Variants in SEL1L3 observed in about 807,000 individuals in gnomAD.
SEL1L3 encodes protein sel-1 homolog 3.
SEL1L3 carries 76 observed loss-of-function variants against 142.8 expected under a neutral mutation model. That is an observed-to-expected ratio of 0.53 (90% CI 0.44 to 0.64). The LOEUF (loss-of-function observed/expected upper bound fraction) is 0.64. Ranked by LOEUF, SEL1L3 falls within the 30% of genes least tolerant of loss-of-function variation. The probability of loss-of-function intolerance (pLI) is 0.00; values close to 1 mark genes in which losing one functional copy is unlikely to be tolerated. For missense variants in SEL1L3, 1,262 were observed against 1,381.7 expected (o/e 0.91, Z 1.37); for synonymous variants, 504 against 519.6 (o/e 0.97, Z 0.41).
intron 6 of SEL1L3, among the ~76,000 whole-genome samples, chr4:25,824,338 G>A (rs1714958793): frequency 6.6e-6 from 1 of 152,132 alleles, no homozygotes; most frequent in African/African-American, 2.4e-5. Flanking sequence ...AAAACCGACT[G>A]ACTGATGCTT....
At chr4:25,727,313 A>G in the SEL1L3 span, among the ~76,000 whole-genome samples, 2 of 152,024 alleles carry the variant, frequency 1.3e-5, no homozygotes, top group Non-Finnish European at 2.9e-5. Flanking sequence ...TGGCCTCCCG[A>G]AGTGTTGGGA....
Position 25,802,288 on chromosome 4 carries a change from C to T in SEL1L3, c.1951G>A (p.Asp651Asn). 1 of 1,611,738 alleles carries T rather than the reference C, an allele frequency of 6.2e-7. No individual in the cohort carries two copies. The highest frequency in any genetic ancestry group is 1.1e-5 in the South Asian group (1 of 90,888). The stretch of plus-strand genomic sequence containing the variant: ...ACCTTTTTTCTCTCTCATACCTGAT[C>T]TCCTTGCAGTGTGTGCTGGTCAAGG... ...TPLDQHTLQG[D>N]QAYVETIRLK... The change falls in exon 11 of 24, where the codon GAT becomes AAT. Residue 651 changes from aspartate (D) to asparagine (N), a missense_variant. Physicochemically the swap from Asp to Asn is conservative, Grantham distance 23. Around this residue, in one of 3 missense-constraint regions of SEL1L3, gnomAD observed 435 missense variants for 559.2 expected, o/e 0.78. Coordinates refer to ENST00000399878, the MANE Select transcript of SEL1L3 (RefSeq NM_015187.5).
At chr4:25,755,806 C>T (rs762263875) in intron 23 of SEL1L3, 367 of 908,760 alleles carry the variant, frequency 4.0e-4, no homozygotes, top group Non-Finnish European at 4.7e-4. Flanking sequence ...GCTCCTCTAA[C>T]GGAACTGCAT....
chr4:25,735,602 C>G, the SEL1L3 span, among the ~76,000 whole-genome samples: 1 of 151,032 alleles, frequency 6.6e-6, no homozygotes, highest in East Asian at 1.9e-4. Context: ...TTATGGTGGA[C>G]GTTGTATCAT....
chr4:25,778,057 T>C (rs949704844), intron 16 of SEL1L3, among the ~76,000 whole-genome samples: 1 of 152,190 alleles, frequency 6.6e-6, no homozygotes, highest in African/African-American at 2.4e-5. Context: ...CTATGGGTCA[T>C]GGTTTGACAA....
At chr4:25,806,287 T>G (rs1239182401) in intron 9 of SEL1L3, among the ~76,000 whole-genome samples, 1 of 151,970 alleles carries the variant, frequency 6.6e-6, no homozygotes, top group Non-Finnish European at 1.5e-5. Context: ...TCCGCCCGCC[T>G]AGGCCTCCCA....
chr4:25,853,222 T>C (rs568071807), intron 1 of SEL1L3, among the ~76,000 whole-genome samples: 13 of 152,202 alleles, frequency 8.5e-5, no homozygotes, highest in Non-Finnish European at 1.5e-4. Flanking sequence ...GACTGAGCAA[T>C]AGAGTAAGGC....
intron 1 of SEL1L3, among the ~76,000 whole-genome samples, chr4:25,852,606 C>A (rs569166228): frequency 6.6e-6 from 1 of 152,268 alleles, no homozygotes; most frequent in African/African-American, 2.4e-5. Flanking sequence ...AAGCAATGCC[C>A]CGAATGTTTC....
At chr4:25,759,181 G>T in intron 20 of SEL1L3, 113 bp from the exon 21 acceptor site, 1 of 1,098,086 alleles carries the variant, frequency 9.1e-7, no homozygotes, top group South Asian at 1.6e-5. Flanking sequence ...TAAGTCTCTA[G>T]AGCCAGATGG....
chr4:25,799,846 T>A (rs2109214854), intron 11 of SEL1L3, among the ~76,000 whole-genome samples: 1 of 152,300 alleles, frequency 6.6e-6, no homozygotes, highest in African/African-American at 2.4e-5. Context: ...AGTATTATCA[T>A]ATGCGGAGTG....
At chr4:25,819,566 T>C (rs1461391390) in intron 8 of SEL1L3, among the ~76,000 whole-genome samples, 1 of 152,236 alleles carries the variant, frequency 6.6e-6, no homozygotes, top group Non-Finnish European at 1.5e-5. Context: ...AAACTAGATT[T>C]TTATGGTTGG....
At chr4:25,758,323 T>C (rs1003095044) in intron 21 of SEL1L3, among the ~76,000 whole-genome samples, 6 of 151,818 alleles carry the variant, frequency 4.0e-5, no homozygotes, top group African/African-American at 1.2e-4. Flanking sequence ...ACACAAAAAT[T>C]AGCCTGGTGT....
the SEL1L3 span, among the ~76,000 whole-genome samples, chr4:25,721,697 A>T: frequency 1.3e-5 from 2 of 152,210 alleles, no homozygotes; most frequent in African/African-American, 4.8e-5. Context: ...AATTCACAGG[A>T]GGAAGGCTTC....
chr4:25,754,320 A>T (rs1454491031), intron 23 of SEL1L3, among the ~76,000 whole-genome samples: 1 of 149,456 alleles, frequency 6.7e-6, no homozygotes, highest in Non-Finnish European at 1.5e-5. Context: ...TATAAAATAA[A>T]TAAATAAATA....
intron 2 of SEL1L3, among the ~76,000 whole-genome samples, chr4:25,838,174 C>T (rs1163306190): frequency 1.3e-5 from 2 of 152,320 alleles, no homozygotes; most frequent in African/African-American, 4.8e-5. Flanking sequence ...ACTGCGTAAG[C>T]CAAAGAATGA....
At chr4:25,799,344 G>A (rs1387609833) in intron 11 of SEL1L3, among the ~76,000 whole-genome samples, 2 of 152,136 alleles carry the variant, frequency 1.3e-5, no homozygotes, top group Non-Finnish European at 2.9e-5. Flanking sequence ...CAAAGTGCTG[G>A]TATTACCGGG....
intron 14 of SEL1L3, among the ~76,000 whole-genome samples, chr4:25,783,818 G>A (rs910135629): frequency 2.0e-5 from 3 of 152,158 alleles, no homozygotes; most frequent in Non-Finnish European, 2.9e-5. Flanking sequence ...GGAAACAAAT[G>A]GGAAACGGGC....
At chr4:25,735,075 T>C in the SEL1L3 span, among the ~76,000 whole-genome samples, 1 of 152,180 alleles carries the variant, frequency 6.6e-6, no homozygotes, top group East Asian at 1.9e-4. Context: ...AGTATTATAT[T>C]TTCCTGAAAT....
rs200110152 is a variant in SEL1L3 at position 25,758,674 on chromosome 4, CT to C, written c.3083+266del. Among the ~76,000 whole-genome samples, 855 of 141,220 alleles carry C rather than the reference CT, an allele frequency of 6.1e-3. 8 individuals carry two copies. Among genetic ancestry groups the C allele is most frequent in the Middle Eastern group, 7.4e-3 (2 of 270 alleles). The allele number at this position is 141,220 out of a possible 152,430, so 92.6% of individuals were successfully genotyped here. ...CCTGGGCTTTTTCTTTCTTTTCTTT[CT>C]TTTTTTTTTTTTTCTTTTAGTAGAG... On this transcript the variant is annotated intron_variant, in intron 21 of 23. Coordinates refer to ENST00000399878, the MANE Select transcript of SEL1L3 (RefSeq NM_015187.5).
Sources: allele counts gnomAD v4.1 joint callset (sites outside exome capture counted in the v4.1 genomes callset), GRCh38; gene constraint gnomAD v4.1.1; regional missense constraint gnomAD v4.1.1; transcripts MANE v1.5; gene names NCBI Gene and HGNC (gene_info 2026-07-23, HGNC 2026-07-21).